The following COX10 variants were observed in gnomAD, a reference collection of about 807,000 sequenced individuals.
The protein encoded by COX10 is cytochrome c oxidase assembly factor heme A:farnesyltransferase COX10.
COX10 carries 27 observed loss-of-function variants against 37.3 expected under a neutral mutation model. The ratio of observed to expected loss-of-function variants is 0.72; its 90% CI spans 0.53 to 1.00. The LOEUF (loss-of-function observed/expected upper bound fraction) is 1.00. Among genes scored for constraint, COX10 ranks in the 50% least tolerant of loss-of-function variants. COX10 has a pLI of 0.00. For synonymous variants in COX10, 222 were observed against 229.1 expected (o/e 0.97, Z 0.28); for missense variants, 475 against 563.2 (o/e 0.84, Z 1.59).
At chr17:14,132,377 G>A (rs537745887) in intron 4 of COX10, among the ~76,000 whole-genome samples, 6 of 152,024 alleles carry the variant, frequency 3.9e-5, no homozygotes, top group Admixed American at 3.3e-4. Flanking sequence ...TTTATCTGAA[G>A]TAAAACTACT....
chr17:14,111,450 T>C (rs1386268596), intron 4 of COX10, among the ~76,000 whole-genome samples: 1 of 152,132 alleles, frequency 6.6e-6, no homozygotes, highest in Admixed American at 6.6e-5. Flanking sequence ...TTATGTATAC[T>C]TGTAATCTAG....
At chr17:14,189,149 C>T (rs1340010878) in intron 5 of COX10, among the ~76,000 whole-genome samples, 1 of 146,846 alleles carries the variant, frequency 6.8e-6, no homozygotes, top group Middle Eastern at 3.3e-3. Context: ...CCATTGAAAG[C>T]CCTGCTCTTG....
intron 5 of COX10, among the ~76,000 whole-genome samples, chr17:14,186,688 A>C (rs1906038575): frequency 1.3e-5 from 2 of 151,800 alleles, no homozygotes; most frequent in African/African-American, 4.8e-5. Context: ...TATTTGCATA[A>C]TGGAGTAAAC....
intron 4 of COX10, among the ~76,000 whole-genome samples, chr17:14,149,870 C>T (rs1904838040): frequency 6.6e-6 from 1 of 152,078 alleles, no homozygotes; most frequent in South Asian, 2.1e-4. Flanking sequence ...ATCCCAAGAG[C>T]CTGAGTACTA....
Position 14,076,934 on chromosome 17 carries a change from T to C in COX10, c.377T>C (p.Val126Ala). 1 of 1,614,188 alleles carries C rather than the reference T, an allele frequency of 6.2e-7. No individual in the cohort carries two copies. The highest frequency in any genetic ancestry group is 8.5e-7 in the Non-Finnish European group (1 of 1,180,028). Residue 126 changes from valine (V) to alanine (A), a missense_variant, in exon 3 of 7, where the codon GTA becomes GCA. Coordinates refer to ENST00000261643, the MANE Select transcript of COX10 (RefSeq NM_001303.4). ...KELIELEPDS[V>A]IEDSIDVGKE... ...TTGATAGAACTAGAGCCAGACTCAG[T>C]AATTGAAGACTCAATAGATGTAGGG... is the stretch of plus-strand genomic sequence containing the variant.
intron 3 of COX10, among the ~76,000 whole-genome samples, chr17:14,089,125 A>G (rs1428805624): frequency 1.3e-5 from 2 of 152,138 alleles, no homozygotes. Context: ...CCAGTAGCCA[A>G]CTTCTCTGTC....
chr17:14,134,571 CA>C (rs1184151637), intron 4 of COX10, among the ~76,000 whole-genome samples: 1 of 151,668 alleles, frequency 6.6e-6, no homozygotes, highest in African/African-American at 2.4e-5. Context: ...TTTTCACCTC[CA>C]AAAAGGGACA....
chr17:14,088,292 C>T (rs1029878157), intron 3 of COX10, among the ~76,000 whole-genome samples: 15 of 152,170 alleles, frequency 9.9e-5, no homozygotes, highest in Admixed American at 2.0e-4. Context: ...ATTTAACAAA[C>T]GCTTCTTGAG....
At chr17:14,166,654 C>A (rs1597531661) in intron 5 of COX10, among the ~76,000 whole-genome samples, 2 of 142,186 alleles carry the variant, frequency 1.4e-5, no homozygotes, top group South Asian at 2.4e-4. Flanking sequence ...TCCTCTCACT[C>A]AGGCTGGAGT....
rs144296730 is a variant in COX10, at chr17:14,206,798, A to AC, written c.929-7dup. ...GCCTTTGTCTCCCTCTCCTTCCCTG[A>AC]CCCCCGCACAGGCGCATTTCTCCTG... is the stretch of plus-strand genomic sequence containing the variant. On this transcript the variant is annotated splice_polypyrimidine_tract_variant and intron_variant, in intron 6 of 6. Transcript: ENST00000261643. 6.2e-7 allele frequency: 1 copy of AC among 1,613,288 alleles called. No individual in the cohort carries two copies. Among genetic ancestry groups the AC allele is most frequent in the African/African-American group, 1.3e-5 (1 of 74,796 alleles).
At chr17:14,171,043 G>C (rs1303964330) in intron 5 of COX10, among the ~76,000 whole-genome samples, 1 of 152,104 alleles carries the variant, frequency 6.6e-6, no homozygotes, top group Admixed American at 6.6e-5. Flanking sequence ...TTCAAAGGAT[G>C]GGGAGAAGTA....
intron 6 of COX10, among the ~76,000 whole-genome samples, chr17:14,205,375 T>C (rs1424372500): frequency 6.6e-6 from 1 of 152,144 alleles, no homozygotes; most frequent in African/African-American, 2.4e-5. Flanking sequence ...CTAGACTCAG[T>C]CAGCTCCTCT....
chr17:14,087,924 A>G (rs1300251342), intron 3 of COX10, among the ~76,000 whole-genome samples: 2 of 152,006 alleles, frequency 1.3e-5, no homozygotes, highest in African/African-American at 4.8e-5. Context: ...GCCTTGTCTC[A>G]GTGAGAATTA....
chr17:14,098,661 A>G (rs1248228921), intron 3 of COX10, among the ~76,000 whole-genome samples: 3 of 152,188 alleles, frequency 2.0e-5, no homozygotes, highest in Non-Finnish European at 4.4e-5. Flanking sequence ...TAAATGGCCT[A>G]TGACAGGAGA....
intron 5 of COX10, among the ~76,000 whole-genome samples, chr17:14,167,243 A>T (rs1905316640): frequency 1.3e-5 from 2 of 152,228 alleles, no homozygotes; most frequent in African/African-American, 4.8e-5. Context: ...CTCATGATAA[A>T]ACTTGAACAC....
intron 4 of COX10, among the ~76,000 whole-genome samples, chr17:14,102,808 C>T (rs1445817274): frequency 6.6e-6 from 1 of 151,858 alleles, no homozygotes; most frequent in Non-Finnish European, 1.5e-5. Flanking sequence ...TTTTTTTTCC[C>T]ATCTAGTCAC....
chr17:14,150,785 G>A (rs1192416902), intron 4 of COX10, among the ~76,000 whole-genome samples: 2 of 152,176 alleles, frequency 1.3e-5, no homozygotes, highest in Non-Finnish European at 2.9e-5. Context: ...CCTTCAACTA[G>A]AAGAAGGCAG....
At chr17:14,140,341 G>A (rs963959231) in intron 4 of COX10, among the ~76,000 whole-genome samples, 20 of 152,068 alleles carry the variant, frequency 1.3e-4, no homozygotes, top group African/African-American at 4.6e-4. Context: ...TTATTTCAGA[G>A]TAATCTTAGT....
At chr17:14,190,715 T>C in intron 5 of COX10, among the ~76,000 whole-genome samples, 1 of 152,174 alleles carries the variant, frequency 6.6e-6, no homozygotes, top group East Asian at 1.9e-4. Context: ...GTACTGTAGT[T>C]CCAGCTGCTG....
Sources: allele counts gnomAD v4.1 joint callset (sites outside exome capture counted in the v4.1 genomes callset), GRCh38; gene constraint gnomAD v4.1.1; transcripts MANE v1.5; gene names NCBI Gene and HGNC (gene_info 2026-07-23, HGNC 2026-07-21).